ZNF263: variants seen among roughly 807,000 people sequenced by gnomAD.
ZNF263 encodes zinc finger protein 263.
ZNF263 carries 49 observed loss-of-function variants against 63.1 expected under a neutral mutation model. The ratio of observed to expected loss-of-function variants is 0.78; its 90% CI spans 0.62 to 0.99. The LOEUF (loss-of-function observed/expected upper bound fraction) is 0.99, where lower values mean the gene tolerates loss of function less well. Among genes scored for constraint, ZNF263 ranks in the 50% least tolerant of loss-of-function variants. The pLI, the probability that ZNF263 is intolerant of heterozygous loss-of-function variation, is 0.00. For synonymous variants in ZNF263, 352 were observed against 324.2 expected (o/e 1.09, Z -0.92); for missense variants, 872 against 854.8 (o/e 1.02, Z -0.25).
chr16:3,288,495 G>C lies in ZNF263; in HGVS notation c.811G>C (p.Gly271Arg), dbSNP rs773732612. Residue 271 changes from glycine (G) to arginine (R), a missense_variant, in exon 5 of 6, where the codon GGA becomes CGA. Coordinates refer to ENST00000219069, the MANE Select transcript of ZNF263 (RefSeq NM_005741.5). Reference protein sequence around the residue: ...PSQEVPGTQVGQGGKLWDPSV... With the variant: ...PSQEVPGTQVRQGGKLWDPSV... ...TCAGGAGGTCCCAGGCACCCAGGTG[G>C]GACAAGGAGGAAAGCTATGGGATCC... 2 of 1,612,896 alleles carry C rather than the reference G, an allele frequency of 1.2e-6. No homozygotes were observed. The highest frequency in any genetic ancestry group is 3.3e-5 in the Admixed American group (2 of 59,978).
rs62034710 is a variant in ZNF263 at position 3,296,780 on chromosome 16, C to T, written c.152-2326C>T. On this transcript the variant is annotated intron_variant, in intron 1 of 2. Transcript: ENST00000574674. ...CCCACTTACAGCAACAACAAACCTA[C>T]CTAGGAACAATAAAAAAAATGAGAA... 4.4e-3 allele frequency among the ~76,000 whole-genome samples: 590 copies of T among 133,232 alleles called. 3 individuals carry two copies. The highest frequency in any genetic ancestry group is 6.2e-3 in the Non-Finnish European group (406 of 65,052). The allele number at this position is 133,232 out of a possible 152,430, so 87.4% of individuals were successfully genotyped here.
chr16:3,300,960 C>G (rs1466957038), exon 3 of ZNF263: 4 of 209,498 alleles, frequency 1.9e-5, no homozygotes, highest in Non-Finnish European at 4.2e-5. Context: ...CATACTTTCC[C>G]TAACTCAATA....
In ZNF263 at chr16:3,289,465, T is replaced by C. The variant is rs1959513046; in HGVS notation, c.959T>C (p.Leu320Pro). 1 of 1,535,938 alleles carries C rather than the reference T, an allele frequency of 6.5e-7. No individual in the cohort carries two copies. The highest frequency in any genetic ancestry group is 1.3e-5 in the South Asian group (1 of 77,090). The change falls in exon 6 of 6, where the codon CTT becomes CCT. Residue 320 changes from leucine (L) to proline (P), a missense_variant. Leu to Pro is a moderately conservative substitution (Grantham distance 98, BLOSUM62 -3). Transcript: ENST00000219069. ...CSENIHPQVL[L>P]PDQARGEVPW... ...GAGAACATCCACCCTCAGGTGCTGC[T>C]TCCTGACCAGGCCCGAGGGGAGGTG...
At chr16:3,285,619 A>G (rs1018325855) in intron 2 of ZNF263, 62 bp from the exon 3 acceptor site, 4 of 1,545,868 alleles carry the variant, frequency 2.6e-6, no homozygotes, top group Admixed American at 3.3e-5. Context: ...CTGTGTTTTA[A>G]TAATCCTTGG....
In ZNF263 at chr16:3,289,840, A is replaced by T. The variant is rs944775366; in HGVS notation, c.1334A>T (p.Gln445Leu). ...KCLECGKCFS[Q>L]NTHLTRHQRT... is the part of the protein sequence containing the mutation. ...CTTGAATGTGGGAAATGCTTCAGTC[A>T]GAACACCCATCTGACTCGCCACCAA... Residue 445 changes from glutamine (Q) to leucine (L), a missense_variant, in exon 6 of 6, where the codon CAG becomes CTG. Coordinates refer to ENST00000219069, the MANE Select transcript of ZNF263 (RefSeq NM_005741.5). 4.6e-5 allele frequency: 74 copies of T among 1,614,274 alleles called. No homozygotes were observed. The highest frequency in any genetic ancestry group is 6.2e-5 in the Non-Finnish European group (73 of 1,180,054).
exon 2 of ZNF263, chr16:3,299,111 A>T (rs925411763): frequency 4.1e-6 from 6 of 1,458,556 alleles, no homozygotes; most frequent in Non-Finnish European, 5.4e-6. Context: ...TTCAGTGTGA[A>T]GTGGAATCTC....
At position 3,290,993 on chromosome 16, in the gene ZNF263, A is replaced by G. The variant is rs1959594156; in HGVS notation, c.*435A>G. ...CCCTGAGACCAAAGAAGAGGGGCCA[A>G]GTACCCTGGGAAATCAGCTGAAGGT... On this transcript the variant is annotated 3_prime_UTR_variant, in exon 6 of 6. Coordinates refer to ENST00000219069, the MANE Select transcript of ZNF263 (RefSeq NM_005741.5). The G allele has an allele frequency of 1.1e-5, 11 of 999,698 alleles. No homozygotes were observed. Among genetic ancestry groups the G allele is most frequent in the Non-Finnish European group, 1.3e-5 (11 of 836,878 alleles). The allele number at this position is 999,698 out of a possible 1,614,324, so 61.9% of individuals were successfully genotyped here.
chr16:3,289,021 G>A (rs555336705), intron 5 of ZNF263, among the ~76,000 whole-genome samples: 1 of 152,234 alleles, frequency 6.6e-6, no homozygotes, highest in African/African-American at 2.4e-5. Flanking sequence ...CTTTGACCCT[G>A]CCATTCTCCA....
At chr16:3,287,776 C>T (rs1028474153) in intron 4 of ZNF263, among the ~76,000 whole-genome samples, 4 of 151,796 alleles carry the variant, frequency 2.6e-5, no homozygotes, top group African/African-American at 7.3e-5. Context: ...TATTTTCTTT[C>T]CCTGGAGTTG....
intron 3 of ZNF263, 29 bp from the exon 4 acceptor site, chr16:3,285,994 G>A: frequency 1.2e-6 from 2 of 1,613,880 alleles, no homozygotes; most frequent in East Asian, 4.5e-5. Context: ...GGTGCATCAG[G>A]GGCTAAAGGA....
At chr16:3,293,868 AAG>A (rs1375478382), downstream of ZNF263, among the ~76,000 whole-genome samples, 1 of 152,226 alleles carries the variant, frequency 6.6e-6, no homozygotes, top group Admixed American at 6.5e-5. Context: ...GCTGTAATGA[AAG>A]AACTTTTGGG....
chr16:3,289,370 T>G, intron 5 of ZNF263, 23 bp from the exon 6 acceptor site: 1 of 1,498,992 alleles, frequency 6.7e-7, no homozygotes, highest in South Asian at 1.4e-5. Flanking sequence ...AATGTACGGG[T>G]TTGGTTTCTC....
downstream of ZNF263, among the ~76,000 whole-genome samples, chr16:3,292,566 G>C (rs1281614467): frequency 6.6e-6 from 1 of 152,190 alleles, no homozygotes; most frequent in African/African-American, 2.4e-5. Flanking sequence ...TGTAAAGCTG[G>C]TGTTCCTACA....
At chr16:3,298,704 C>G in intron 1 of ZNF263, 1 of 262,338 alleles carries the variant, frequency 3.8e-6, no homozygotes, top group East Asian at 6.7e-5. Flanking sequence ...CAAACTAATG[C>G]TTTTCGCAAA....
At chr16:3,297,011 T>C (rs1367832269) in intron 1 of ZNF263, among the ~76,000 whole-genome samples, 1 of 152,112 alleles carries the variant, frequency 6.6e-6, no homozygotes, top group African/African-American at 2.4e-5. Flanking sequence ...TTGCTTTTCA[T>C]TAAAATTCAC....
In ZNF263 at chr16:3,299,887, C is replaced by T. The variant is rs562944022; in HGVS notation, c.*46+731C>T. The stretch of plus-strand genomic sequence containing the variant: ...GGGTTTATATATCACAGGCAATGTA[C>T]TTGTGTCCTCTTTCACACTTTTGGG... On this transcript the variant is annotated intron_variant, in intron 2 of 2. Transcript: ENST00000574674. 60 of 1,606,808 alleles carry T rather than the reference C, an allele frequency of 3.7e-5. 2 individuals carry two copies. The South Asian group carries it at 6.4e-4, about 17-fold the overall frequency.
downstream of ZNF263, among the ~76,000 whole-genome samples, chr16:3,296,024 C>T (rs1365787751): frequency 1.3e-5 from 2 of 152,200 alleles, no homozygotes; most frequent in Non-Finnish European, 2.9e-5. Flanking sequence ...AGAGACTGAG[C>T]CCCTGCTTCA....
downstream of ZNF263, among the ~76,000 whole-genome samples, chr16:3,295,100 G>A (rs118107462): frequency 2.6e-5 from 4 of 152,288 alleles, no homozygotes; most frequent in East Asian, 7.7e-4. Context: ...CCCCAGGAGT[G>A]ATTTGCAGAA....
intron 2 of ZNF263, chr16:3,299,690 T>C: frequency 6.5e-7 from 1 of 1,539,324 alleles, no homozygotes. Context: ...CCATCCTCAC[T>C]GGTTAGGGAT....
Sources: gnomAD v4.1 joint callset for allele counts (sites outside exome capture counted in the v4.1 genomes callset) on GRCh38, gnomAD v4.1.1 for gene constraint, MANE v1.5 for transcripts, NCBI Gene and HGNC (gene_info 2026-07-23, HGNC 2026-07-21) for gene names.